Variants in RIN2 observed in about 807,000 individuals in gnomAD.
The protein encoded by RIN2 is Ras and Rab interactor 2, also known as RAB5 interacting protein 2.
RIN2 carries 36 observed loss-of-function variants against 78.0 expected under a neutral mutation model. That is an observed-to-expected ratio of 0.46 (90% CI 0.35 to 0.61). RIN2 has a LOEUF of 0.61. Among genes scored for constraint, RIN2 ranks in the 20% least tolerant of loss-of-function variants. The pLI, the probability that RIN2 is intolerant of heterozygous loss-of-function variation, is 0.00. For missense variants in RIN2, 1,087 were observed against 1,159.7 expected (o/e 0.94, Z 0.91); for synonymous variants, 466 against 466.8 (o/e 1.00, Z 0.02).
In RIN2 at chr20:20,000,945, C is replaced by T. The variant is rs369867424; in HGVS notation, c.*9C>T. ...ACCTCACCACCTCCTAGAAGACAGG[C>T]GGGACTTCCCAGTGGTGCATCCAAA... On this transcript the variant is annotated 3_prime_UTR_variant, in exon 13 of 13. Transcript: ENST00000255006. 47 of 1,599,112 alleles carry T rather than the reference C, an allele frequency of 2.9e-5. No homozygotes were observed. The highest frequency in any genetic ancestry group is 4.0e-5 in the African/African-American group (3 of 74,692).
At chr20:19,939,921 T>C (rs1209735617) in intron 4 of RIN2, among the ~76,000 whole-genome samples, 1 of 152,036 alleles carries the variant, frequency 6.6e-6, no homozygotes, top group Non-Finnish European at 1.5e-5. Context: ...TGGTGTGATA[T>C]TGGCTCACTG....
intron 4 of RIN2, among the ~76,000 whole-genome samples, chr20:19,942,063 T>A (rs1426663837): frequency 7.0e-6 from 1 of 143,542 alleles, no homozygotes; most frequent in Non-Finnish European, 1.5e-5. Context: ...TGAGCCGAGA[T>A]CAAGCCACTG....
chr20:19,766,425 G>A (rs1271006892), intron 1 of RIN2, among the ~76,000 whole-genome samples: 5 of 152,090 alleles, frequency 3.3e-5, no homozygotes, highest in Admixed American at 1.3e-4. Flanking sequence ...AAAGAACAGG[G>A]CTAGGAAAGG....
chr20:19,887,581 G>T (rs2038252925), intron 2 of RIN2, among the ~76,000 whole-genome samples: 1 of 152,172 alleles, frequency 6.6e-6, no homozygotes, highest in South Asian at 2.1e-4. Flanking sequence ...AGGACTGCTG[G>T]AGGTTAAAGG....
At chr20:19,966,224 T>G (rs1418267430) in intron 7 of RIN2, among the ~76,000 whole-genome samples, 1 of 152,194 alleles carries the variant, frequency 6.6e-6, no homozygotes, top group Non-Finnish European at 1.5e-5. Flanking sequence ...GGGAGTTTAT[T>G]TGAGTTTGGC....
chr20:19,987,720 C>T (rs2146373994), intron 9 of RIN2, among the ~76,000 whole-genome samples: 1 of 152,252 alleles, frequency 6.6e-6, no homozygotes, highest in South Asian at 2.1e-4. Context: ...TGAAGTTGCA[C>T]GAGCTTATTA....
intron 1 of RIN2, among the ~76,000 whole-genome samples, chr20:19,787,961 G>A (rs561124451): frequency 2.6e-5 from 4 of 152,104 alleles, no homozygotes; most frequent in African/African-American, 7.2e-5. Flanking sequence ...TATCAGTAAT[G>A]TAAAGTACTA....
chr20:19,925,319 A>G (rs1232492070), intron 3 of RIN2, among the ~76,000 whole-genome samples: 1 of 152,242 alleles, frequency 6.6e-6, no homozygotes, highest in African/African-American at 2.4e-5. Flanking sequence ...TACATCATAT[A>G]TAAACAGGCA....
At chr20:19,774,727 A>G (rs2122458565) in intron 1 of RIN2, among the ~76,000 whole-genome samples, 1 of 152,322 alleles carries the variant, frequency 6.6e-6, no homozygotes, top group South Asian at 2.1e-4. Context: ...ATTCCAAGCC[A>G]TTGTTCTCTC....
intron 1 of RIN2, among the ~76,000 whole-genome samples, chr20:19,767,534 G>A (rs1287883607): frequency 1.3e-5 from 2 of 152,174 alleles, no homozygotes; most frequent in Non-Finnish European, 2.9e-5. Flanking sequence ...AGAGACCAGA[G>A]GGCAGGAGGT....
chr20:19,823,299 G>T, intron 2 of RIN2: 1 of 584,208 alleles, frequency 1.7e-6, no homozygotes, highest in Non-Finnish European at 3.0e-6. Context: ...GGAATCTGGG[G>T]ACTGAATGAA....
chr20:19,943,799 C>T (rs1365600715), intron 4 of RIN2, among the ~76,000 whole-genome samples: 3 of 152,122 alleles, frequency 2.0e-5, no homozygotes, highest in Non-Finnish European at 2.9e-5. Flanking sequence ...GCCCACCACT[C>T]TTCCCATGCT....
intron 4 of RIN2, among the ~76,000 whole-genome samples, chr20:19,949,974 T>G (rs185066032): frequency 5.9e-5 from 9 of 152,328 alleles, no homozygotes; most frequent in Non-Finnish European, 4.4e-5. Flanking sequence ...CTCTCCCACC[T>G]GCTCAGGCGA....
At chr20:19,971,577 T>C (rs1212691106) in intron 8 of RIN2, among the ~76,000 whole-genome samples, 1 of 152,112 alleles carries the variant, frequency 6.6e-6, no homozygotes, top group Non-Finnish European at 1.5e-5. Flanking sequence ...CTTCACTCAC[T>C]GTGATACTTG....
intron 4 of RIN2, among the ~76,000 whole-genome samples, chr20:19,940,370 G>A (rs1021284933): frequency 2.6e-5 from 4 of 152,096 alleles, no homozygotes; most frequent in Admixed American, 1.3e-4. Context: ...GCCACCAACC[G>A]GTGCATAAAA....
At chr20:19,763,642 T>G (rs1211685890) in intron 1 of RIN2, among the ~76,000 whole-genome samples, 1 of 152,180 alleles carries the variant, frequency 6.6e-6, no homozygotes. Context: ...TGAAAGAGTC[T>G]AAGAAAATAA....
chr20:19,860,236 G>A (rs998304101), intron 2 of RIN2, among the ~76,000 whole-genome samples: 1 of 152,174 alleles, frequency 6.6e-6, no homozygotes, highest in African/African-American at 2.4e-5. Context: ...AGTCAGAAAT[G>A]GAACTCCTGA....
chr20:19,969,926 T>C (rs1311607393), intron 7 of RIN2, among the ~76,000 whole-genome samples: 1 of 152,212 alleles, frequency 6.6e-6, no homozygotes, highest in Non-Finnish European at 1.5e-5. Flanking sequence ...TCCTAACCTT[T>C]GTGAATGAAC....
chr20:19,902,726 G>A (rs570102862), intron 3 of RIN2, among the ~76,000 whole-genome samples: 1 of 152,258 alleles, frequency 6.6e-6, no homozygotes, highest in Admixed American at 6.5e-5. Flanking sequence ...TTGAATTCCA[G>A]ATATGGCATA....
Sources: gnomAD v4.1 joint callset for allele counts (sites outside exome capture counted in the v4.1 genomes callset) on GRCh38, gnomAD v4.1.1 for gene constraint, MANE v1.5 for transcripts, NCBI Gene and HGNC (gene_info 2026-07-23, HGNC 2026-07-21) for gene names.